The following TPST2 variants were observed in gnomAD, a reference collection of about 807,000 sequenced individuals.
TPST2 encodes the protein protein-tyrosine sulfotransferase 2.
TPST2 carries 16 observed loss-of-function variants against 27.8 expected under a neutral mutation model. The observed-to-expected ratio is 0.58, with a 90% CI of 0.39 to 0.88. The LOEUF (loss-of-function observed/expected upper bound fraction) is 0.88, where lower values mean the gene tolerates loss of function less well. TPST2 is among the 40% of genes least tolerant of loss of function. The probability of loss-of-function intolerance (pLI) is 0.00; values close to 1 mark genes in which losing one functional copy is unlikely to be tolerated. For missense variants in TPST2, 464 were observed against 543.1 expected (o/e 0.85, Z 1.45); for synonymous variants, 229 against 231.7 (o/e 0.99, Z 0.10).
intron 1 of TPST2, among the ~76,000 whole-genome samples, chr22:26,579,736 G>C (rs1928016254): frequency 6.6e-6 from 1 of 152,106 alleles, no homozygotes; most frequent in South Asian, 2.1e-4. Context: ...GGGAAGGAAG[G>C]GGGAAGTGGT....
At chr22:26,544,923 T>A (rs1017933366) in intron 1 of TPST2, among the ~76,000 whole-genome samples, 27 of 152,204 alleles carry the variant, frequency 1.8e-4, no homozygotes, top group Admixed American at 1.1e-3. Context: ...AAGTCTGAGC[T>A]AAGGCGCCGC....
chr22:26,539,176 G>A (rs1302593711), intron 3 of TPST2, among the ~76,000 whole-genome samples: 2 of 152,176 alleles, frequency 1.3e-5, no homozygotes, highest in Non-Finnish European at 2.9e-5. Flanking sequence ...GAGCAGCTGC[G>A]AGCCTCTAGC....
chr22:26,526,451 C>G (rs1924839221), intron 6 of TPST2, among the ~76,000 whole-genome samples, 184 bp from the exon 7 acceptor site: 1 of 152,296 alleles, frequency 6.6e-6, no homozygotes, highest in Non-Finnish European at 1.5e-5. Context: ...GGTTCTTCCC[C>G]ACATCTCATC....
intron 5 of TPST2, among the ~76,000 whole-genome samples, chr22:26,531,470 G>A (rs1336671672): frequency 6.6e-6 from 1 of 152,142 alleles, no homozygotes; most frequent in Non-Finnish European, 1.5e-5. Context: ...TAATTGCAAC[G>A]AATGCAAAAG....
chr22:26,559,312 G>A (rs567497015), intron 1 of TPST2, among the ~76,000 whole-genome samples: 141 of 152,356 alleles, frequency 9.3e-4, no homozygotes, highest in African/African-American at 3.1e-3. Flanking sequence ...GCTGCAGTGA[G>A]CCAAAATTGC....
chr22:26,539,876 T>C (rs577640873), intron 3 of TPST2, among the ~76,000 whole-genome samples: 1 of 152,350 alleles, frequency 6.6e-6, no homozygotes, highest in Non-Finnish European at 1.5e-5. Flanking sequence ...ACTTCTCCTC[T>C]GTGAGATTCA....
At chr22:26,552,067 G>A (rs1421844077) in intron 1 of TPST2, among the ~76,000 whole-genome samples, 1 of 151,550 alleles carries the variant, frequency 6.6e-6, no homozygotes, top group Non-Finnish European at 1.5e-5. Flanking sequence ...TTGTAGAAAT[G>A]GGGTCTTAAT....
intron 4 of TPST2, chr22:26,536,034 T>C (rs772044565): frequency 1.3e-5 from 8 of 636,802 alleles, no homozygotes; most frequent in African/African-American, 1.1e-4. Context: ...AAGATGAAAT[T>C]AGTGTACAAG....
chr22:26,589,235 T>C (rs1928458620), intron 1 of TPST2, among the ~76,000 whole-genome samples: 1 of 152,042 alleles, frequency 6.6e-6, no homozygotes, highest in South Asian at 2.1e-4. Context: ...GCACGGTTCT[T>C]TCTAATGACT....
At position 26,522,025 on chromosome 22, in the gene TPST2, T is replaced by C. The variant is rs1433258285; in HGVS notation, c.*4250A>G. On this transcript the variant is annotated 3_prime_UTR_variant, in exon 7 of 7. Transcript: ENST00000338754. ...TTCATCACAACCTTTTATTTCACAA[T>C]ATTAATAGTAATCATTATAGCTACC... is the stretch of plus-strand genomic sequence containing the variant. 2 of 152,194 alleles carry C rather than the reference T, an allele frequency of 1.3e-5. No homozygotes were observed. Among genetic ancestry groups the C allele is most frequent in the East Asian group, 3.8e-4 (2 of 5,198 alleles). The allele number at this position is 152,194 out of a possible 1,614,324, so 9.4% of individuals were successfully genotyped here. A position where few individuals can be genotyped will look rare whatever the true frequency, so the allele number is the denominator to read the frequency against.
At position 26,541,718 on chromosome 22, in the gene TPST2, T is replaced by A; in HGVS notation, c.-88A>T. ...TAGCGGGCAGCCCGCCAGGCTCACA[T>A]CTGGGGAGAGAGGGGGACATGCATA... is the stretch of plus-strand genomic sequence containing the variant. On this transcript the variant is annotated splice_region_variant and 5_prime_UTR_variant, in exon 3 of 7. It removes an upstream start codon present in the reference 5' UTR. Transcript: ENST00000338754. The surrounding 1 kb of genome is among the most constrained non-coding windows in gnomAD (Gnocchi z 5.9). 1.4e-6 allele frequency: 2 copies of A among 1,460,878 alleles called. No homozygotes were observed. Among genetic ancestry groups the A allele is most frequent in the Admixed American group, 2.5e-5 (1 of 39,454 alleles). 90.5% of individuals were successfully genotyped at this position (1,460,878 alleles called of 1,614,324 possible).
At chr22:26,534,581 C>A (rs4149481) in intron 4 of TPST2, among the ~76,000 whole-genome samples, 8,958 of 152,238 alleles carry the variant, frequency 0.059, 308 homozygotes, top group Middle Eastern at 0.082. Context: ...CCAGGGGCAG[C>A]GAGCCACCTT....
Position 26,536,397 on chromosome 22 carries a change from C to T in TPST2, c.932G>A (p.Arg311Gln), listed in dbSNP as rs763253761. ...WTGHIPGDVV[R>Q]DMAQIAPMLA... ...CATGGGGGCGATCTGGGCCATGTCC[C>T]GCACCACATCCCCAGGGATGTGGCC... The change falls in exon 4 of 7, where the codon CGG (arginine) becomes CAG (glutamine). Residue 311 changes from arginine to glutamine, a missense_variant. Arg to Gln is a conservative substitution (Grantham distance 43). Transcript: ENST00000338754. The T allele has an allele frequency of 3.1e-6, 5 of 1,598,824 alleles. No individual in the cohort carries two copies. The highest frequency in any genetic ancestry group is 4.5e-5 in the East Asian group (2 of 44,636).
chr22:26,587,907 A>G (rs1928404123), intron 1 of TPST2, among the ~76,000 whole-genome samples: 1 of 152,068 alleles, frequency 6.6e-6, no homozygotes, highest in African/African-American at 2.4e-5. Context: ...AGCCTGGGCA[A>G]CATAGTGGGA....
In TPST2 at chr22:26,544,668, G is replaced by A. The variant is rs1175967219; in HGVS notation, c.-153C>T. 2 of 985,870 alleles carry A rather than the reference G, an allele frequency of 2.0e-6. No individual in the cohort carries two copies. The highest frequency in any genetic ancestry group is 1.7e-5 in the African/African-American group (1 of 57,242). 61.1% of individuals were successfully genotyped at this position (985,870 alleles called of 1,614,324 possible). On this transcript the variant is annotated 5_prime_UTR_variant, in exon 2 of 7. Coordinates refer to ENST00000338754, the MANE Select transcript of TPST2 (RefSeq NM_003595.5). ...GCCTGTGTGCCAAGGCTGTCTGCTG[G>A]CAGAGCCCTGGAGAGGCAAAGGAGA... is the stretch of plus-strand genomic sequence containing the variant.
chr22:26,560,598 G>C, intron 1 of TPST2: 1 of 1,112,184 alleles, frequency 9.0e-7, no homozygotes, highest in Non-Finnish European at 1.4e-6. Context: ...AACTTGTCGG[G>C]AGGCGCATAA....
Position 26,541,340 on chromosome 22 carries a change from G to A in TPST2, c.291C>T (p.Gly97=), listed in dbSNP as rs201207484. ...MLDAHPEVRC[G]EETRIIPRVL... is the part of the protein sequence containing the mutation. The stretch of plus-strand genomic sequence containing the variant: ...CGCGCGGGATGATGCGGGTCTCCTC[G>A]CCGCAGCGCACCTCGGGGTGCGCGT... Residue 97 remains glycine, a synonymous_variant, in exon 3 of 7, where the codon GGC becomes GGT. Transcript: ENST00000338754. The surrounding 1 kb of genome is among the most constrained non-coding windows in gnomAD (Gnocchi z 5.9). 7 of 1,548,880 alleles carry A rather than the reference G, an allele frequency of 4.5e-6. No homozygotes were observed. The highest frequency in any genetic ancestry group is 2.5e-5 in the South Asian group (2 of 80,784).
At position 26,524,676 on chromosome 22, in the gene TPST2, T is replaced by C. The variant is rs1472850998; in HGVS notation, c.*1599A>G. ...AAAAGCCTCATATTATCATGAGATA[T>C]AAGGCAAGGAGGTATGGGTAAAACA... On this transcript the variant is annotated 3_prime_UTR_variant, in exon 7 of 7. Coordinates refer to ENST00000338754, the MANE Select transcript of TPST2 (RefSeq NM_003595.5). 2 of 152,186 alleles carry C rather than the reference T, an allele frequency of 1.3e-5. No homozygotes were observed. Among genetic ancestry groups the C allele is most frequent in the African/African-American group, 4.8e-5 (2 of 41,440 alleles). 9.4% of individuals were successfully genotyped at this position (152,186 alleles called of 1,614,324 possible).
intron 1 of TPST2, 148 bp downstream of exon 1, chr22:26,589,905 A>G (rs1204699641): frequency 6.6e-6 from 1 of 152,054 alleles, no homozygotes; most frequent in Non-Finnish European, 1.5e-5. Flanking sequence ...CCCAGCTCCC[A>G]GCCCCGGAGC....
Sources: gnomAD v4.1 joint callset for allele counts (sites outside exome capture counted in the v4.1 genomes callset) on GRCh38, gnomAD v4.1.1 for gene constraint, Gnocchi (gnomAD v3.1) non-coding constraint, MANE v1.5 for transcripts, NCBI Gene and HGNC (gene_info 2026-07-23, HGNC 2026-07-21) for gene names.